Variants in DLGAP1 observed in about 807,000 individuals in gnomAD.
The protein encoded by DLGAP1 is DLG associated protein 1.
DLGAP1 carries 11 observed loss-of-function variants against 90.8 expected under a neutral mutation model. The ratio of observed to expected loss-of-function variants is 0.12; its 90% CI spans 0.08 to 0.20. The LOEUF (loss-of-function observed/expected upper bound fraction) is 0.20, where lower values mean the gene tolerates loss of function less well. Ranked by LOEUF, DLGAP1 falls within the 10% of genes least tolerant of loss-of-function variation. The pLI is 1.00. For missense variants in DLGAP1, 1,050 were observed against 1,333.8 expected, an observed-to-expected ratio of 0.79 and a Z score of 3.31; for synonymous variants, 558 against 540.7, an observed-to-expected ratio of 1.03 and a Z score of -0.44.
At chr18:3,829,331 T>C (rs936737286) in intron 4 of DLGAP1, among the ~76,000 whole-genome samples, 4 of 152,202 alleles carry the variant, frequency 2.6e-5, no homozygotes, top group East Asian at 3.9e-4. Context: ...ATAGTAATCA[T>C]GTTTAAATAA....
chr18:4,211,249 G>T (rs1195505445), intron 1 of DLGAP1, among the ~76,000 whole-genome samples: 1 of 152,214 alleles, frequency 6.6e-6, no homozygotes, highest in African/African-American at 2.4e-5. Flanking sequence ...TTATGTTGAG[G>T]GTTGAGTTAC....
At chr18:4,189,779 C>A (rs575291711) in intron 1 of DLGAP1, among the ~76,000 whole-genome samples, 26 of 152,068 alleles carry the variant, frequency 1.7e-4, no homozygotes, top group Non-Finnish European at 3.8e-4. Context: ...ATCAATAGAA[C>A]AGAATAGAGA....
intron 8 of DLGAP1, chr18:3,580,635 C>T (rs747507923): frequency 2.6e-5 from 42 of 1,597,476 alleles, no homozygotes; most frequent in Non-Finnish European, 3.5e-5. Flanking sequence ...GAGCCTTTGT[C>T]GGCTGACCCA....
At chr18:4,301,040 T>G (rs2080112749) in intron 1 of DLGAP1, among the ~76,000 whole-genome samples, 1 of 152,168 alleles carries the variant, frequency 6.6e-6, no homozygotes, top group South Asian at 2.1e-4. Context: ...GGATACAAAG[T>G]TATATTATGG....
At chr18:3,617,503 G>A (rs528125896) in intron 7 of DLGAP1, among the ~76,000 whole-genome samples, 127 of 151,564 alleles carry the variant, frequency 8.4e-4, no homozygotes, top group Non-Finnish European at 1.4e-3. Context: ...GGGAGGCTGA[G>A]GCAGAAGAAT....
intron 1 of DLGAP1, among the ~76,000 whole-genome samples, chr18:4,407,732 A>G (rs1211520066): frequency 2.6e-5 from 4 of 152,002 alleles, no homozygotes; most frequent in Non-Finnish European, 5.9e-5. Context: ...CACACAAAAA[A>G]ATTAGCTGGG....
intron 7 of DLGAP1, among the ~76,000 whole-genome samples, chr18:3,682,155 GAACT>G (rs887716346): frequency 2.5e-4 from 38 of 149,920 alleles, no homozygotes; most frequent in Admixed American, 3.3e-4. Context: ...AATAACGAAC[GAACT>G]AACTAATTAA....
At chr18:3,679,623 G>A (rs1429810098) in intron 7 of DLGAP1, among the ~76,000 whole-genome samples, 1 of 149,222 alleles carries the variant, frequency 6.7e-6, no homozygotes, top group Non-Finnish European at 1.5e-5. Flanking sequence ...GGGCCGATGA[G>A]CTCCGTGGTA....
chr18:4,343,648 G>C (rs1322725318), intron 1 of DLGAP1, among the ~76,000 whole-genome samples: 5 of 152,026 alleles, frequency 3.3e-5, no homozygotes, highest in Non-Finnish European at 7.4e-5. Flanking sequence ...GGTGCCTGTT[G>C]GGGGGTCGGG....
At chr18:4,226,096 G>T (rs1197598941) in intron 1 of DLGAP1, among the ~76,000 whole-genome samples, 1 of 152,180 alleles carries the variant, frequency 6.6e-6, no homozygotes, top group Non-Finnish European at 1.5e-5. Flanking sequence ...CCTGGCAGCA[G>T]ACTTTTCAGT....
At position 3,849,131 on chromosome 18, in the gene DLGAP1, G is replaced by C. The variant is rs73940235; in HGVS notation, c.957+29981C>G. On this transcript the variant is annotated intron_variant, in intron 4 of 12. Transcript: ENST00000315677. ...TTGGCTCATTGTCTGATTAAGTCTA[G>C]ATTTTCTTCAGACCTCATCCCAGTC... is the stretch of plus-strand genomic sequence containing the variant. Among the ~76,000 whole-genome samples, 1,147 of 152,294 alleles carry C rather than the reference G, an allele frequency of 7.5e-3. 12 individuals are homozygous for C. The highest frequency in any genetic ancestry group is 0.027 in the African/African-American group (1,109 of 41,562).
chr18:3,593,126 C>A (rs1303153543), intron 7 of DLGAP1, among the ~76,000 whole-genome samples: 2 of 151,934 alleles, frequency 1.3e-5, no homozygotes, highest in African/African-American at 2.4e-5. Flanking sequence ...ATCTCCCCCG[C>A]CCCCCGCCAG....
chr18:4,270,176 A>G (rs927167580), intron 1 of DLGAP1, among the ~76,000 whole-genome samples: 11 of 152,222 alleles, frequency 7.2e-5, no homozygotes, highest in Non-Finnish European at 1.6e-4. Context: ...GCACTGTGTC[A>G]TCACTAATAC....
chr18:3,840,160 C>G (rs775910662), intron 4 of DLGAP1, among the ~76,000 whole-genome samples: 121 of 152,182 alleles, frequency 8.0e-4, no homozygotes, highest in Non-Finnish European at 8.2e-4. Flanking sequence ...ACATCTTATT[C>G]CTCTTTATCA....
In DLGAP1 at chr18:3,879,132, G is replaced by A; in HGVS notation, c.937C>T (p.Arg313Cys). ...GGTACCTGCAGGTACTGGCAGGAGC[G>A]TTCTTGCTGACACGACTCGGACTTC... ...MVKSESCQQE[R>C]SCQYLQVPQD... Residue 313 changes from arginine to cysteine, a missense_variant, in exon 4 of 13, where the codon CGC (arginine) becomes TGC (cysteine). Physicochemically the swap from Arg to Cys is radical, Grantham distance 180. Around this residue, in one of 2 missense-constraint regions of DLGAP1, gnomAD observed 485 missense variants for 454.1 expected, o/e 1.07. Transcript: ENST00000315677. This position sits in a 1 kb window ranked among gnomAD's most constrained non-coding sequence, Gnocchi z 6.6. 2 of 1,505,034 alleles carry A rather than the reference G, an allele frequency of 1.3e-6. No homozygotes were observed. Among genetic ancestry groups the A allele is most frequent in the Non-Finnish European group, 1.8e-6 (2 of 1,126,512 alleles). The allele number at this position is 1,505,034 out of a possible 1,614,324, so 93.2% of individuals were successfully genotyped here.
chr18:3,876,557 A>G (rs925338897), intron 4 of DLGAP1, among the ~76,000 whole-genome samples: 1 of 152,234 alleles, frequency 6.6e-6, no homozygotes, highest in African/African-American at 2.4e-5. Flanking sequence ...ACCTTTCAAT[A>G]ATTTCAGAAT....
At chr18:3,625,011 A>G (rs1441465046) in intron 7 of DLGAP1, among the ~76,000 whole-genome samples, 1 of 152,088 alleles carries the variant, frequency 6.6e-6, no homozygotes, top group Non-Finnish European at 1.5e-5. Context: ...CCCAAGCCAC[A>G]AGTCCCTAAA....
At chr18:3,929,252 C>T (rs2072463107) in intron 3 of DLGAP1, among the ~76,000 whole-genome samples, 1 of 152,078 alleles carries the variant, frequency 6.6e-6, no homozygotes, top group African/African-American at 2.4e-5. Context: ...AGGTTGTTTG[C>T]CTAATCTAAT....
chr18:3,729,196 G>A lies in DLGAP1; in HGVS notation c.1530C>T (p.Ser510=), dbSNP rs1424729587. 3.1e-6 allele frequency: 5 copies of A among 1,613,666 alleles called. No individual in the cohort carries two copies. The East Asian group carries it at 8.9e-5, about 29-fold the overall frequency. Residue 510 remains serine (S), a synonymous_variant, in exon 7 of 13, where the codon TCC becomes TCT. Transcript: ENST00000315677. The surrounding 1 kb of genome is among the most constrained non-coding windows in gnomAD (Gnocchi z 6.2). The stretch of plus-strand genomic sequence containing the variant: ...TGCGCGGCGGCGAGGACGACCTCAG[G>A]GACACGCACTCGTCGTCCTGGGAGC... ...KGCSQDDECV[S]LRSSSPPRTT... is the part of the protein sequence containing the mutation.
Sources: gnomAD v4.1 joint callset for allele counts (sites outside exome capture counted in the v4.1 genomes callset) on GRCh38, gnomAD v4.1.1 for gene constraint, gnomAD v4.1.1 regional missense constraint, Gnocchi (gnomAD v3.1) non-coding constraint, MANE v1.5 for transcripts, NCBI Gene and HGNC (gene_info 2026-07-23, HGNC 2026-07-21) for gene names.